PLEKHA6: variants seen among roughly 807,000 people sequenced by gnomAD.
PLEKHA6 encodes pleckstrin homology domain containing A6.
In PLEKHA6, 60 loss-of-function variants were observed where a neutral mutation model predicts 116.7. The observed-to-expected ratio is 0.51, with a 90% CI of 0.42 to 0.64. The LOEUF (loss-of-function observed/expected upper bound fraction) is 0.64, where lower values mean the gene tolerates loss of function less well. PLEKHA6 is among the 30% of genes least tolerant of loss of function. PLEKHA6 has a pLI of 0.00. For synonymous variants in PLEKHA6, 489 were observed against 556.1 expected (o/e 0.88, Z 1.70); for missense variants, 1,338 against 1,422.7 (o/e 0.94, Z 0.96).
intron 1 of PLEKHA6, chr1:204,301,451 T>C (rs1229312517): frequency 1.0e-6 from 1 of 985,296 alleles, no homozygotes; most frequent in Non-Finnish European, 1.2e-6. Context: ...TGTTATTTGG[T>C]TGGACTTCAG....
intron 1 of PLEKHA6, chr1:204,346,660 GTGAC>G (rs1459622834): frequency 3.0e-6 from 2 of 670,480 alleles, no homozygotes. Context: ...CCATGGGTAA[GTGAC>G]CCATCACCTC....
intron 17 of PLEKHA6, among the ~76,000 whole-genome samples, chr1:204,231,071 G>A (rs183282291): frequency 6.6e-6 from 1 of 152,334 alleles, no homozygotes; most frequent in Non-Finnish European, 1.5e-5. Context: ...GCCACCCTGT[G>A]TGTGGTGATT....
At position 204,247,348 on chromosome 1, in the gene PLEKHA6, C is replaced by G; in HGVS notation, c.1920+17G>C. On this transcript the variant is annotated intron_variant, in intron 13 of 22. Transcript: ENST00000272203. ...AGTCACATCCCAATCCCCGCCAGCT[C>G]AGGGGCCCTTCTTCACCTGGGTGTC... is the stretch of plus-strand genomic sequence containing the variant. 6.5e-7 allele frequency: 1 copy of G among 1,542,848 alleles called. No homozygotes were observed.
intron 6 of PLEKHA6, among the ~76,000 whole-genome samples, chr1:204,262,386 G>A (rs928479870): frequency 6.6e-6 from 1 of 152,166 alleles, no homozygotes; most frequent in African/African-American, 2.4e-5. Flanking sequence ...AAAAGAGTCT[G>A]CCTGGTGAAA....
chr1:204,275,725 G>C, intron 1 of PLEKHA6: 1 of 985,202 alleles, frequency 1.0e-6, no homozygotes, highest in Non-Finnish European at 1.2e-6. Flanking sequence ...AAGCCATAAT[G>C]GCAACCCCCA....
At chr1:204,250,210 A>G (rs1664341271) in intron 10 of PLEKHA6, among the ~76,000 whole-genome samples, 1 of 152,200 alleles carries the variant, frequency 6.6e-6, no homozygotes, top group African/African-American at 2.4e-5. Context: ...TGACTGATCT[A>G]TCTCCCAACA....
chr1:204,260,430 C>A (rs1475164284), intron 7 of PLEKHA6, among the ~76,000 whole-genome samples: 1 of 152,218 alleles, frequency 6.6e-6, no homozygotes, highest in Admixed American at 6.5e-5. Flanking sequence ...AGGAACATGG[C>A]AGACTTTCTT....
At chr1:204,320,317 G>A (rs770067631) in intron 1 of PLEKHA6, 27 of 165,400 alleles carry the variant, frequency 1.6e-4, no homozygotes, top group South Asian at 3.9e-4. Flanking sequence ...CCCAACCCTC[G>A]AGGTAGGGGT....
intron 1 of PLEKHA6, chr1:204,282,885 T>C: frequency 1.2e-6 from 1 of 822,262 alleles, no homozygotes; most frequent in Non-Finnish European, 1.5e-6. Context: ...CCTCAGTAGC[T>C]AAGCCAGACA....
In PLEKHA6 at chr1:204,259,649, T is replaced by C; in HGVS notation, c.616A>G (p.Lys206Glu). The C allele has an allele frequency of 6.2e-7, 1 of 1,614,146 alleles. No homozygotes were observed. Among genetic ancestry groups the C allele is most frequent in the Non-Finnish European group, 8.5e-7 (1 of 1,180,028 alleles). Reference sequence around the variant, plus strand: ...CGGCCATCACCCTCCCCTCGAGTCTTGGCCTCTGGCTCAGGCTTAGGGAGG... The same window carrying C: ...CGGCCATCACCCTCCCCTCGAGTCTCGGCCTCTGGCTCAGGCTTAGGGAGG... ...NSLPKPEPEA[K>E]TRGEGDGRGC... Residue 206 changes from lysine to glutamate, a missense_variant, in exon 8 of 23, where the codon AAG becomes GAG. This residue lies in a region of PLEKHA6 where 1,136 missense variants were observed against 1,163.6 expected (regional missense o/e 0.98). Transcript: ENST00000272203. The surrounding 1 kb of genome is among the most constrained non-coding windows in gnomAD (Gnocchi z 4.6).
At chr1:204,355,376 A>G (rs1335363761) in intron 1 of PLEKHA6, among the ~76,000 whole-genome samples, 1 of 152,252 alleles carries the variant, frequency 6.6e-6, no homozygotes, top group East Asian at 1.9e-4. Flanking sequence ...TGTTAGCATC[A>G]TATCACTGGT....
At chr1:204,278,805 G>A (rs936548583) in intron 1 of PLEKHA6, among the ~76,000 whole-genome samples, 4 of 152,012 alleles carry the variant, frequency 2.6e-5, no homozygotes, top group Non-Finnish European at 2.9e-5. Flanking sequence ...TCCTGATGCC[G>A]GCTTGAGGTT....
intron 3 of PLEKHA6, among the ~76,000 whole-genome samples, chr1:204,270,247 G>A (rs1475569508): frequency 2.0e-5 from 3 of 152,040 alleles, no homozygotes; most frequent in East Asian, 1.9e-4. Context: ...TTGGTGGGCC[G>A]CAATCACACT....
chr1:204,257,452 G>C lies in PLEKHA6; in HGVS notation c.1425C>G (p.Arg475=), dbSNP rs776462462. The change falls in exon 9 of 23, where the codon CGC becomes CGG. Residue 475 remains arginine, a synonymous_variant. Transcript: ENST00000272203. This position sits in a 1 kb window ranked among gnomAD's most constrained non-coding sequence, Gnocchi z 6.5. ...YSRARIYSPV[R]SPSARFERLP... is the part of the protein sequence containing the mutation. ...GCCGCTCAAAACGGGCACTGGGTGAGCGGACAGGGGAGTAAATGCGGGCAC... is the reference window on the plus strand; with the variant it reads ...GCCGCTCAAAACGGGCACTGGGTGACCGGACAGGGGAGTAAATGCGGGCAC... 3.2e-6 allele frequency: 5 copies of C among 1,569,746 alleles called. No individual in the cohort carries two copies. The highest frequency in any genetic ancestry group is 3.8e-5 in the Admixed American group (2 of 52,922).
chr1:204,326,348 T>C lies in PLEKHA6; in HGVS notation c.-95+33346A>G, dbSNP rs373571265. Among the ~76,000 whole-genome samples, 6 of 152,246 alleles carry C rather than the reference T, an allele frequency of 3.9e-5. No homozygotes were observed. In the East Asian group the frequency reaches 9.7e-4, roughly 25 times the overall value. On this transcript the variant is annotated intron_variant, in intron 1 of 22. Transcript: ENST00000272203. ...GGTCACGTCTTAGCTCATCAAATGT[T>C]CTATCAGTGCCCACTATGTGCAAAG...
chr1:204,264,693 G>A (rs1666555341), intron 6 of PLEKHA6, among the ~76,000 whole-genome samples: 1 of 152,166 alleles, frequency 6.6e-6, no homozygotes, highest in South Asian at 2.1e-4. Flanking sequence ...CCCACTCTTA[G>A]GAGAATTGCC....
chr1:204,261,618 T>C lies in PLEKHA6; in HGVS notation c.382-170A>G, dbSNP rs1033907155. On this transcript the variant is annotated intron_variant, in intron 6 of 22. Transcript: ENST00000272203. The surrounding 1 kb of genome is among the most constrained non-coding windows in gnomAD (Gnocchi z 4.0). ...TCAGGAGCAAGGTGAAGAGGGCAGC[T>C]TGCAGCTACCCCGAGGGTTCCAGCT... is the stretch of plus-strand genomic sequence containing the variant. 8 of 702,806 alleles carry C rather than the reference T, an allele frequency of 1.1e-5. No individual in the cohort carries two copies. Among genetic ancestry groups the C allele is most frequent in the Non-Finnish European group, 1.9e-5 (8 of 428,298 alleles). 43.5% of individuals were successfully genotyped at this position (702,806 alleles called of 1,614,324 possible).
At chr1:204,287,486 T>TTC in intron 1 of PLEKHA6, among the ~76,000 whole-genome samples, 1 of 152,212 alleles carries the variant, frequency 6.6e-6, no homozygotes, top group South Asian at 2.1e-4. Flanking sequence ...AAAAGGTTGG[T>TTC]TCTCTTTCTC....
chr1:204,300,163 C>T (rs546960974), intron 1 of PLEKHA6, among the ~76,000 whole-genome samples: 4 of 152,250 alleles, frequency 2.6e-5, no homozygotes, highest in African/African-American at 9.6e-5. Context: ...ATTAGTGCTT[C>T]CTTTGACTGT....
Sources: gnomAD v4.1 joint callset for allele counts (sites outside exome capture counted in the v4.1 genomes callset) on GRCh38, gnomAD v4.1.1 for gene constraint, gnomAD v4.1.1 regional missense constraint, Gnocchi (gnomAD v3.1) non-coding constraint, MANE v1.5 for transcripts, NCBI Gene and HGNC (gene_info 2026-07-23, HGNC 2026-07-21) for gene names.